SYNE1: variants seen among roughly 807,000 people sequenced by gnomAD.
SYNE1 encodes the protein nesprin-1.
SYNE1 carries 616 observed loss-of-function variants against 1,111.0 expected under a neutral mutation model. The observed-to-expected ratio is 0.55, with a 90% CI of 0.52 to 0.59. The LOEUF is 0.59. SYNE1 is among the 20% of genes least tolerant of loss of function. SYNE1 has a pLI of 0.00. For missense variants in SYNE1, 10,006 were observed against 10,417.0 expected (o/e 0.96, Z 1.72); for synonymous variants, 3,855 against 3,825.8 (o/e 1.01, Z -0.28).
intron 117 of SYNE1, among the ~76,000 whole-genome samples, chr6:152,223,547 G>A (rs1191510952): frequency 6.6e-6 from 1 of 152,132 alleles, no homozygotes; most frequent in Admixed American, 6.5e-5. Flanking sequence ...AAACCCGGGA[G>A]GCGGAGGTTG....
At chr6:152,536,557 A>G (rs2099243909) in intron 4 of SYNE1, among the ~76,000 whole-genome samples, 1 of 149,982 alleles carries the variant, frequency 6.7e-6, no homozygotes, top group Non-Finnish European at 1.5e-5. Context: ...CTACTATAAC[A>G]TGGCCACTCC....
chr6:152,575,598 T>C (rs2099493171), intron 3 of SYNE1, among the ~76,000 whole-genome samples: 1 of 152,254 alleles, frequency 6.6e-6, no homozygotes, highest in Non-Finnish European at 1.5e-5. Flanking sequence ...CAATAGGCTG[T>C]TGTTCCATTT....
chr6:152,365,047 G>T (rs777094558), intron 62 of SYNE1, 28 bp from the exon 63 acceptor site: 1 of 1,613,448 alleles, frequency 6.2e-7, no homozygotes, highest in East Asian at 2.2e-5. Flanking sequence ...GAAGTCCTTT[G>T]TCATTTGTAT....
chr6:152,255,766 G>C lies in SYNE1; in HGVS notation c.19105-20C>G, dbSNP rs2090661258. The C allele has an allele frequency of 1.9e-6, 3 of 1,613,764 alleles. No individual in the cohort carries two copies. In the Admixed American group the frequency reaches 5.0e-5, roughly 27 times the overall value. On this transcript the variant is annotated intron_variant, in intron 102 of 145. Transcript: ENST00000367255. ...TCCACTCTGGGAAACACAAAACAGGGTCAAATAATCAATTTCAGTGTTTTG... is the reference window on the plus strand; with the variant it reads ...TCCACTCTGGGAAACACAAAACAGGCTCAAATAATCAATTTCAGTGTTTTG...
rs1489410456 is a variant in SYNE1 at position 152,230,561 on chromosome 6, G to A, written c.21181C>T (p.Leu7061=). Residue 7061 remains leucine, a synonymous_variant, in exon 115 of 146, where the codon CTG becomes TTG. Transcript: ENST00000367255. Reference sequence around the variant, plus strand: ...GGACAAGTTACCTGACAGTCTTTCAGTGCATTTTGAACAGAAGCCTGATCT... The same window carrying A: ...GGACAAGTTACCTGACAGTCTTTCAATGCATTTTGAACAGAAGCCTGATCT... The part of the protein sequence containing the change: ...IGDQASVQNA[L]KDCQDLEDLI... The A allele has an allele frequency of 6.2e-7, 1 of 1,614,068 alleles. No homozygotes were observed. The highest frequency in any genetic ancestry group is 8.5e-7 in the Non-Finnish European group (1 of 1,179,964).
intron 48 of SYNE1, among the ~76,000 whole-genome samples, chr6:152,399,214 C>T (rs1302029091): frequency 6.6e-6 from 1 of 152,078 alleles, no homozygotes; most frequent in African/African-American, 2.4e-5. Context: ...CTATGGCTGC[C>T]CTGTTTCATG....
At chr6:152,481,038 T>G (rs1210936690) in intron 14 of SYNE1, 1 of 316,346 alleles carries the variant, frequency 3.2e-6, no homozygotes, top group Non-Finnish European at 6.2e-6. Context: ...AACACACAGA[T>G]AGCATGTGCA....
In SYNE1 at chr6:152,505,224, A is replaced by T. The variant is rs1320790027; in HGVS notation, c.755T>A (p.Ile252Asn). Residue 252 changes from isoleucine to asparagine, a missense_variant, in exon 9 of 146, where the codon ATC becomes AAC. Transcript: ENST00000367255. ...AFTIAETELG[I>N]PRLLDPEDVD... Reference sequence around the variant, plus strand: ...ACCTTCAGGATCTAGCAGTCTTGGGATCCCCAGTTCTGTTTCGGCGATAGT... The same window carrying T: ...ACCTTCAGGATCTAGCAGTCTTGGGTTCCCCAGTTCTGTTTCGGCGATAGT... 1 of 1,613,840 alleles carries T rather than the reference A, an allele frequency of 6.2e-7. No homozygotes were observed. Among genetic ancestry groups the T allele is most frequent in the Non-Finnish European group, 8.5e-7 (1 of 1,179,968 alleles).
chr6:152,215,290 A>AG (rs2078368543), intron 121 of SYNE1, among the ~76,000 whole-genome samples: 1 of 152,202 alleles, frequency 6.6e-6, no homozygotes, highest in Non-Finnish European at 1.5e-5. Flanking sequence ...GCTACTCATT[A>AG]TCCTTTATGG....
At chr6:152,136,042 C>G (rs910892712) in intron 141 of SYNE1, among the ~76,000 whole-genome samples, 3 of 152,176 alleles carry the variant, frequency 2.0e-5, no homozygotes, top group African/African-American at 4.8e-5. Context: ...GCTCAAAGAG[C>G]CAAATAAATT....
chr6:152,613,595 A>G (rs552698500), intron 3 of SYNE1, among the ~76,000 whole-genome samples: 17 of 152,296 alleles, frequency 1.1e-4, no homozygotes, highest in Non-Finnish European at 1.9e-4. Flanking sequence ...AATAGATTCA[A>G]TGCTACCAAT....
Position 152,409,638 on chromosome 6 carries a change from A to T in SYNE1, c.6302T>A (p.Val2101Asp). 2 of 1,613,944 alleles carry T rather than the reference A, an allele frequency of 1.2e-6. No individual in the cohort carries two copies. Among genetic ancestry groups the T allele is most frequent in the Non-Finnish European group, 1.7e-6 (2 of 1,179,948 alleles). The change falls in exon 43 of 146, where the codon GTC becomes GAC. Residue 2101 changes from valine (V) to aspartate (D), a missense_variant. Physicochemically the swap from Val to Asp is radical, Grantham distance 152. Around this residue, in one of 7 missense-constraint regions of SYNE1, gnomAD observed 4,955 missense variants for 5,017.2 expected, o/e 0.99. Transcript: ENST00000367255. ...AATCACACTGCTGGCATTTTCTAAGACTTTAGATACAGCTGATTTCAGGTT... is the reference window on the plus strand; with the variant it reads ...AATCACACTGCTGGCATTTTCTAAGTCTTTAGATACAGCTGATTTCAGGTT... ...YQNLKSAVSK[V>D]LENASSVIVT...
Position 152,385,732 on chromosome 6 carries a change from C to T in SYNE1, c.8594G>A (p.Arg2865Gln), listed in dbSNP as rs375152186. The change falls in exon 55 of 146, where the codon CGG becomes CAG. Residue 2865 changes from arginine (R) to glutamine (Q), a missense_variant. Coordinates refer to ENST00000367255, the MANE Select transcript of SYNE1 (RefSeq NM_182961.4). ...WLHSAKEELHRWSDMSGDSSA... is the reference protein window; with the variant it reads ...WLHSAKEELHQWSDMSGDSSA... ...TGAATCTCCAGACATATCTGACCAC[C>T]GGTGAAGTTCTTCCTTTGCTGAATG... 7.4e-6 allele frequency: 12 copies of T among 1,613,942 alleles called. No homozygotes were observed. Among genetic ancestry groups the T allele is most frequent in the African/African-American group, 4.0e-5 (3 of 74,910 alleles).
intron 130 of SYNE1, chr6:152,167,893 T>C (rs1306432006): frequency 1.6e-5 from 12 of 744,292 alleles, no homozygotes; most frequent in Non-Finnish European, 2.8e-5. Context: ...ATAAAGTCCA[T>C]TAACCTTTTT....
At chr6:152,167,174 A>G (rs888074084) in intron 130 of SYNE1, among the ~76,000 whole-genome samples, 4 of 152,206 alleles carry the variant, frequency 2.6e-5, no homozygotes, top group African/African-American at 9.7e-5. Context: ...ACCTTTCTTG[A>G]AAAGGATTCT....
intron 58 of SYNE1, among the ~76,000 whole-genome samples, chr6:152,375,892 T>C (rs187699575): frequency 6.6e-6 from 1 of 152,344 alleles, no homozygotes; most frequent in East Asian, 1.9e-4. Flanking sequence ...GAAGCAATTG[T>C]TTTAAGTGGG....
At chr6:152,261,880 G>A (rs1482960383) in intron 101 of SYNE1, 152 bp downstream of exon 101, 7 of 557,334 alleles carry the variant, frequency 1.3e-5, no homozygotes, top group African/African-American at 1.9e-5. Context: ...ATGTGAAATA[G>A]ACTTGTTAAG....
At chr6:152,227,896 A>G (rs2081962312) in intron 115 of SYNE1, among the ~76,000 whole-genome samples, 1 of 152,178 alleles carries the variant, frequency 6.6e-6, no homozygotes, top group South Asian at 2.1e-4. Flanking sequence ...ATAATAATTA[A>G]AAGATGATTC....
intron 130 of SYNE1, among the ~76,000 whole-genome samples, chr6:152,165,518 A>G (rs2063472436): frequency 6.6e-6 from 1 of 152,208 alleles, no homozygotes; most frequent in Admixed American, 6.5e-5. Context: ...TAACATTTTC[A>G]GTTTGTAAAA....
Sources: allele counts gnomAD v4.1 joint callset (sites outside exome capture counted in the v4.1 genomes callset), GRCh38; gene constraint gnomAD v4.1.1; regional missense constraint gnomAD v4.1.1; transcripts MANE v1.5; gene names NCBI Gene and HGNC (gene_info 2026-07-23, HGNC 2026-07-21).